The following SRRM4 variants were observed in gnomAD, a reference collection of about 807,000 sequenced individuals.
SRRM4 encodes serine/arginine repetitive matrix 4.
Under a neutral mutation model 68.9 loss-of-function variants are expected in SRRM4, and 33 were observed. The observed-to-expected ratio is 0.48, with a 90% confidence interval of 0.36 to 0.64. The LOEUF is 0.64. SRRM4 is among the 30% of genes least tolerant of loss of function. The pLI is 0.00. For missense variants in SRRM4, 817 were observed against 827.1 expected, an observed-to-expected ratio of 0.99 and a Z score of 0.15; for synonymous variants, 318 against 318.8, an observed-to-expected ratio of 1.00 and a Z score of 0.03.
At position 119,145,363 on chromosome 12, in the gene SRRM4, G is replaced by A. The variant is rs201460103; in HGVS notation, c.772-18G>A. ...GGCCCAGCGCTCAGCAGTGTCCAAC[G>A]GGTCTTTTTGCTTTCAGATCACTGG... On this transcript the variant is annotated intron_variant, in intron 8 of 12. Transcript: ENST00000267260. 12,808 of 1,592,552 alleles carry A rather than the reference G, an allele frequency of 8.0e-3. 58 individuals carry two copies. Among genetic ancestry groups the A allele is most frequent in the Non-Finnish European group, 9.4e-3 (11,039 of 1,168,942 alleles).
In SRRM4 at chr12:119,119,789, G is replaced by GTC. The variant is rs1954206827; in HGVS notation, c.438-461_438-460insTC. Among the ~76,000 whole-genome samples the GTC allele has an allele frequency of 5.9e-5, 9 of 152,088 alleles. No homozygotes were observed. In the South Asian group the frequency reaches 1.7e-3, roughly 28 times the overall value. On this transcript the variant is annotated intron_variant, in intron 4 of 12. Coordinates refer to ENST00000267260, the MANE Select transcript of SRRM4 (RefSeq NM_194286.4). ...AGGAGGAGGAGGAATGCACAACAAGGGAGAGAGAAGATGAGATGGAGAATG... is the reference window on the plus strand; with the variant it reads ...AGGAGGAGGAGGAATGCACAACAAGGTCGAGAGAGAAGATGAGATGGAGAATG...
chr12:118,985,857 AT>A (rs1953279010), intron 1 of SRRM4, among the ~76,000 whole-genome samples: 1 of 152,226 alleles, frequency 6.6e-6, no homozygotes, highest in African/African-American at 2.4e-5. Context: ...CTTAATGAAC[AT>A]GTAAAAATCA....
At chr12:119,069,089 G>A (rs750126701) in intron 1 of SRRM4, among the ~76,000 whole-genome samples, 4 of 152,152 alleles carry the variant, frequency 2.6e-5, no homozygotes, top group Non-Finnish European at 5.9e-5. Context: ...ATCAGGCTTA[G>A]GGAGATATCC....
chr12:119,102,498 A>T, intron 2 of SRRM4, 116 bp downstream of exon 2: 4 of 784,226 alleles, frequency 5.1e-6, no homozygotes, highest in Non-Finnish European at 7.9e-6. Context: ...ATCAAGGGTT[A>T]GTAAATATTT....
intron 6 of SRRM4, among the ~76,000 whole-genome samples, chr12:119,123,542 C>A (rs1954237001): frequency 6.6e-6 from 1 of 151,984 alleles, no homozygotes; most frequent in Non-Finnish European, 1.5e-5. Context: ...GTAAGGGGAG[C>A]AAGGTGGCCA....
intron 1 of SRRM4, among the ~76,000 whole-genome samples, chr12:119,050,931 G>C (rs1953738542): frequency 6.6e-6 from 1 of 152,090 alleles, no homozygotes; most frequent in South Asian, 2.1e-4. Context: ...GTGCTCAGTA[G>C]CCACCTGTGG....
At position 119,003,846 on chromosome 12, in the gene SRRM4, C is replaced by T. The variant is rs904174952; in HGVS notation, c.131+21833C>T. 5.3e-5 allele frequency among the ~76,000 whole-genome samples: 8 copies of T among 152,108 alleles called. No individual in the cohort carries two copies. In the South Asian group the frequency reaches 1.5e-3, roughly 28 times the overall value. On this transcript the variant is annotated intron_variant, in intron 1 of 12. Coordinates refer to ENST00000267260, the MANE Select transcript of SRRM4 (RefSeq NM_194286.4). ...CTTAAGCAAACCATCATAGAGAAAA[C>T]GCTGAATTATTCTTTTCTTCTCTCT...
intron 1 of SRRM4, among the ~76,000 whole-genome samples, chr12:119,082,596 G>A (rs559988553): frequency 1.3e-5 from 2 of 152,274 alleles, no homozygotes; most frequent in Non-Finnish European, 2.9e-5. Context: ...ATTCAGCCCC[G>A]CGGGCGCTGT....
At chr12:119,051,717 G>GT (rs1021046603) in intron 1 of SRRM4, among the ~76,000 whole-genome samples, 122 of 152,016 alleles carry the variant, frequency 8.0e-4, no homozygotes, top group East Asian at 4.8e-3. Flanking sequence ...ACAAAGTCTG[G>GT]TTTTTTTTGT....
At chr12:119,075,894 TG>T (rs1295298016) in intron 1 of SRRM4, among the ~76,000 whole-genome samples, 1 of 92,964 alleles carries the variant, frequency 1.1e-5, no homozygotes, top group Non-Finnish European at 2.2e-5. Flanking sequence ...GTGATGATGA[TG>T]GTAGCGATGA....
At chr12:119,041,859 C>T (rs1330293780) in intron 1 of SRRM4, among the ~76,000 whole-genome samples, 1 of 152,032 alleles carries the variant, frequency 6.6e-6, no homozygotes, top group Non-Finnish European at 1.5e-5. Context: ...CGGGAGAATG[C>T]CTACTGTCTA....
chr12:119,006,487 C>T (rs1248903601), intron 1 of SRRM4, among the ~76,000 whole-genome samples: 2 of 152,198 alleles, frequency 1.3e-5, no homozygotes, highest in Non-Finnish European at 2.9e-5. Flanking sequence ...GCTTCCTGGA[C>T]TCCCAGATAG....
chr12:119,156,656 G>A lies in SRRM4; in HGVS notation c.1694G>A (p.Arg565His). ...CGGAGCCGGAGACGGAGCCGGACCCGCACGAGCAGCAGCTCTAGCTCCCGC... is the reference window on the plus strand; with the variant it reads ...CGGAGCCGGAGACGGAGCCGGACCCACACGAGCAGCAGCTCTAGCTCCCGC... ...RSRSRRRSRT[R>H]TSSSSSSRSP... is the part of the protein sequence containing the mutation. Residue 565 changes from arginine (R) to histidine (H), a missense_variant, in exon 13 of 13, where the codon CGC becomes CAC. Physicochemically the swap from Arg to His is conservative, Grantham distance 29. Coordinates refer to ENST00000267260, the MANE Select transcript of SRRM4 (RefSeq NM_194286.4). 1 of 1,576,400 alleles carries A rather than the reference G, an allele frequency of 6.3e-7. No homozygotes were observed. The highest frequency in any genetic ancestry group is 8.6e-7 in the Non-Finnish European group (1 of 1,162,828).
intron 1 of SRRM4, among the ~76,000 whole-genome samples, chr12:119,033,601 T>C (rs1311806094): frequency 6.6e-6 from 1 of 150,852 alleles, no homozygotes. Flanking sequence ...GAGGCGGAGG[T>C]CGCCGTGAGC....
At chr12:119,052,950 A>G (rs1382832010) in intron 1 of SRRM4, among the ~76,000 whole-genome samples, 1 of 152,228 alleles carries the variant, frequency 6.6e-6, no homozygotes, top group Non-Finnish European at 1.5e-5. Flanking sequence ...TACCCAAATT[A>G]TTATTTGCCT....
intron 1 of SRRM4, among the ~76,000 whole-genome samples, chr12:119,071,868 G>A (rs1050830289): frequency 3.9e-5 from 6 of 152,200 alleles, no homozygotes; most frequent in Admixed American, 1.3e-4. Flanking sequence ...GGCTGCATGT[G>A]TTTAGGACAT....
intron 1 of SRRM4, among the ~76,000 whole-genome samples, chr12:119,064,537 G>A (rs1953833870): frequency 6.6e-6 from 1 of 152,138 alleles, no homozygotes; most frequent in South Asian, 2.1e-4. Context: ...TTGGCATGTG[G>A]TGTAGTGGAA....
At chr12:118,994,469 T>A (rs1175514548) in intron 1 of SRRM4, among the ~76,000 whole-genome samples, 1 of 152,144 alleles carries the variant, frequency 6.6e-6, no homozygotes, top group Non-Finnish European at 1.5e-5. Flanking sequence ...ACCCCTACTC[T>A]AGTTCTTAAA....
chr12:119,144,027 T>C (rs2723881), intron 8 of SRRM4, among the ~76,000 whole-genome samples: 97,619 of 151,892 alleles, frequency 0.64, 31,713 homozygotes, highest in African/African-American at 0.72. Context: ...AAGAAACCCC[T>C]CGCCATCCTG....
Sources: allele counts gnomAD v4.1 joint callset (sites outside exome capture counted in the v4.1 genomes callset), GRCh38; gene constraint gnomAD v4.1.1; transcripts MANE v1.5; gene names NCBI Gene and HGNC (gene_info 2026-07-23, HGNC 2026-07-21).